Variants in CRB1 observed in about 807,000 individuals in gnomAD.
CRB1 encodes the protein crumbs cell polarity complex component 1.
A neutral mutation model predicts 120.0 loss-of-function variants in CRB1; 83 were observed. The ratio of observed to expected loss-of-function variants is 0.69; its 90% CI spans 0.58 to 0.83. The LOEUF is 0.83. CRB1 is among the 40% of genes least tolerant of loss of function. CRB1 has a pLI of 0.00. For synonymous variants in CRB1, 625 were observed against 612.5 expected, an observed-to-expected ratio of 1.02 and a Z score of -0.30; for missense variants, 1,699 against 1,687.6, an observed-to-expected ratio of 1.01 and a Z score of -0.12.
At chr1:197,477,446 A>G in intron 11 of CRB1, 2 of 649,886 alleles carry the variant, frequency 3.1e-6, no homozygotes, top group Non-Finnish European at 5.8e-6. Flanking sequence ...TTCATGCCAT[A>G]TTTTCTGACT....
chr1:197,344,529 T>A, intron 3 of CRB1, 53 bp downstream of exon 3: 1 of 1,532,990 alleles, frequency 6.5e-7, no homozygotes, highest in African/African-American at 1.4e-5. Context: ...GACCATGAAC[T>A]ATTTTACCAC....
chr1:197,238,284 C>G, the CRB1 span, among the ~76,000 whole-genome samples: 1 of 151,900 alleles, frequency 6.6e-6, no homozygotes, highest in African/African-American at 2.4e-5. Flanking sequence ...CAAATGAAGA[C>G]AAATAAAATG....
chr1:197,214,325 AGTC>A, the CRB1 span, among the ~76,000 whole-genome samples: 2 of 152,200 alleles, frequency 1.3e-5, no homozygotes, highest in Non-Finnish European at 2.9e-5. Context: ...CAATATATAC[AGTC>A]TGCCCTCCAT....
chr1:197,231,523 C>A, the CRB1 span, among the ~76,000 whole-genome samples: 1 of 152,038 alleles, frequency 6.6e-6, no homozygotes, highest in African/African-American at 2.4e-5. Context: ...GGATTTGATA[C>A]CCTGGCAAGG....
At chr1:197,451,641 C>G (rs998968263) in intron 11 of CRB1, among the ~76,000 whole-genome samples, 13 of 152,198 alleles carry the variant, frequency 8.5e-5, no homozygotes, top group Non-Finnish European at 1.5e-4. Flanking sequence ...TATACACTTA[C>G]AGGATTTTCT....
Position 197,356,224 on chromosome 1 carries a change from G to A in CRB1, c.989-607G>A, listed in dbSNP as rs371997411. 7.5e-4 allele frequency among the ~76,000 whole-genome samples: 114 copies of A among 152,236 alleles called. 1 individual carries two copies. Among genetic ancestry groups the A allele is most frequent in the African/African-American group, 2.3e-3 (95 of 41,546 alleles). On this transcript the variant is annotated intron_variant, in intron 4 of 11. Coordinates refer to ENST00000367400, the MANE Select transcript of CRB1 (RefSeq NM_201253.3). Reference sequence around the variant, plus strand: ...CTGTATGTATTTCTTACAGTTGCTCGTATTTATAAAAGCAAAGAAAAAGTT... The same window carrying A: ...CTGTATGTATTTCTTACAGTTGCTCATATTTATAAAAGCAAAGAAAAAGTT...
the CRB1 span, among the ~76,000 whole-genome samples, chr1:197,231,606 G>A: frequency 6.6e-6 from 1 of 152,300 alleles, no homozygotes; most frequent in South Asian, 2.1e-4. Flanking sequence ...GCCACAATAA[G>A]CGATGTAGAA....
chr1:197,345,796 C>T lies in CRB1; in HGVS notation c.848+1320C>T, dbSNP rs1226937496. Among the ~76,000 whole-genome samples the T allele has an allele frequency of 3.9e-5, 6 of 152,158 alleles. No homozygotes were observed. In the East Asian group the frequency reaches 7.7e-4, roughly 20 times the overall value. On this transcript the variant is annotated intron_variant, in intron 3 of 11. Transcript: ENST00000367400. The stretch of plus-strand genomic sequence containing the variant: ...GTGTTGCGATTACAGGTGTGAGCCA[C>T]TGCACCTGGCTCTCAAATTTTAATA...
chr1:197,400,684 G>A (rs998648358), intron 5 of CRB1, among the ~76,000 whole-genome samples: 1 of 151,954 alleles, frequency 6.6e-6, no homozygotes, highest in East Asian at 1.9e-4. Context: ...TTCTCACTCG[G>A]ATACTATCCA....
intron 1 of CRB1, among the ~76,000 whole-genome samples, chr1:197,305,464 A>C (rs1021753794): frequency 6.6e-6 from 1 of 152,016 alleles, no homozygotes; most frequent in Admixed American, 6.6e-5. Context: ...TGAAGTAGAT[A>C]TAAGAGTGTA....
the CRB1 span, among the ~76,000 whole-genome samples, chr1:197,217,801 G>A: frequency 1.2e-4 from 18 of 152,250 alleles, no homozygotes; most frequent in Admixed American, 1.1e-3. Flanking sequence ...TATTAAAATG[G>A]TGAACTTTAT....
At chr1:197,368,487 G>T (rs1390229465) in intron 5 of CRB1, among the ~76,000 whole-genome samples, 1 of 152,164 alleles carries the variant, frequency 6.6e-6, no homozygotes, top group Non-Finnish European at 1.5e-5. Context: ...ACTAGGACAG[G>T]TATACCACGT....
intron 11 of CRB1, among the ~76,000 whole-genome samples, chr1:197,474,514 G>C (rs913072192): frequency 6.6e-6 from 1 of 152,172 alleles, no homozygotes; most frequent in African/African-American, 2.4e-5. Context: ...TGTGAAACAG[G>C]TCAGCCCTCT....
intron 1 of CRB1, among the ~76,000 whole-genome samples, chr1:197,321,509 C>T (rs755430781): frequency 2.0e-5 from 3 of 152,104 alleles, no homozygotes; most frequent in Non-Finnish European, 4.4e-5. Context: ...AAACAAATTT[C>T]CCTGGGATAA....
At chr1:197,253,249 C>T in the CRB1 span, among the ~76,000 whole-genome samples, 1 of 151,958 alleles carries the variant, frequency 6.6e-6, no homozygotes, top group Non-Finnish European at 1.5e-5. Flanking sequence ...ATTCTTTTTT[C>T]CCCTGGGCCT....
chr1:197,399,013 T>C (rs2125428642), intron 5 of CRB1, among the ~76,000 whole-genome samples: 1 of 151,936 alleles, frequency 6.6e-6, no homozygotes, highest in East Asian at 1.9e-4. Context: ...TAAAGAAGGA[T>C]TCAAGTCTCC....
chr1:197,433,111 G>A (rs1464599947), intron 8 of CRB1, among the ~76,000 whole-genome samples: 2 of 150,512 alleles, frequency 1.3e-5, no homozygotes, highest in Admixed American at 6.6e-5. Flanking sequence ...GCCCAGGATA[G>A]TCTCAAACTG....
chr1:197,329,768 T>C (rs892415695), intron 2 of CRB1, among the ~76,000 whole-genome samples: 4 of 152,186 alleles, frequency 2.6e-5, no homozygotes, highest in African/African-American at 9.6e-5. Context: ...CATTTACTTG[T>C]AAGGGGGTAA....
intron 6 of CRB1, among the ~76,000 whole-genome samples, chr1:197,424,118 A>T (rs1356819473): frequency 2.0e-5 from 3 of 152,178 alleles, no homozygotes; most frequent in Non-Finnish European, 2.9e-5. Flanking sequence ...TTAGAATTAT[A>T]GTTTCCTAGA....
Sources: allele counts gnomAD v4.1 joint callset (sites outside exome capture counted in the v4.1 genomes callset), GRCh38; gene constraint gnomAD v4.1.1; transcripts MANE v1.5; gene names NCBI Gene and HGNC (gene_info 2026-07-23, HGNC 2026-07-21).